Variants in SH3BP2 observed in about 807,000 individuals in gnomAD.
SH3BP2 encodes SH3 domain-binding protein 2.
In SH3BP2, 38 loss-of-function variants were observed where a neutral mutation model predicts 56.2. That is an observed-to-expected ratio of 0.68 (90% CI 0.52 to 0.89). The LOEUF (loss-of-function observed/expected upper bound fraction) is 0.89. Ranked by LOEUF, SH3BP2 falls within the 40% of genes least tolerant of loss-of-function variation. The pLI is 0.00. For missense variants in SH3BP2, 748 were observed against 762.6 expected (o/e 0.98, Z 0.23); for synonymous variants, 346 against 316.7 (o/e 1.09, Z -0.98).
In SH3BP2 at chr4:2,810,860, C is replaced by G. The variant is rs1723719898; in HGVS notation, c.-4-9754C>G. Among the ~76,000 whole-genome samples the G allele has an allele frequency of 6.6e-6, 1 of 152,208 alleles. No homozygotes were observed. The highest frequency in any genetic ancestry group is 6.5e-5 in the Admixed American group (1 of 15,288). On this transcript the variant is annotated intron_variant, in intron 1 of 12. Coordinates refer to ENST00000503393, the MANE Select transcript of SH3BP2 (RefSeq NM_001122681.2). The surrounding 1 kb of genome is among the most constrained non-coding windows in gnomAD (Gnocchi z 4.2). The stretch of plus-strand genomic sequence containing the variant: ...TTCCTCACCTGCTGTTTGATCTCAA[C>G]CCTCCTGCAAGGAGGAAAGAGAATG...
At chr4:2,823,153 C>T in intron 3 of SH3BP2, 116 bp downstream of exon 3, 2 of 774,946 alleles carry the variant, frequency 2.6e-6, no homozygotes, top group East Asian at 2.7e-5. Flanking sequence ...TTTCCCGAAG[C>T]AGCCTTCGTG....
At chr4:2,820,179 C>T (rs895763647) in intron 1 of SH3BP2, among the ~76,000 whole-genome samples, 3 of 152,192 alleles carry the variant, frequency 2.0e-5, no homozygotes, top group African/African-American at 7.2e-5. Context: ...GCTCACTTGC[C>T]TTCTTCCTGT....
At chr4:2,811,160 T>A (rs150628736) in intron 1 of SH3BP2, among the ~76,000 whole-genome samples, 361 of 152,288 alleles carry the variant, frequency 2.4e-3, no homozygotes, top group Middle Eastern at 0.01. Context: ...CAGACACAGC[T>A]GGGGAGACGG....
Position 2,799,981 on chromosome 4 carries a change from C to T in SH3BP2, c.-5+6843C>T, listed in dbSNP as rs193087740. On this transcript the variant is annotated intron_variant, in intron 1 of 12. Transcript: ENST00000503393. ...TTACTCTGGGGTCTGGAGACCACTG[C>T]CGAACATACGCCCTCCAAGCAGTGG... Among the ~76,000 whole-genome samples, 1,049 of 152,076 alleles carry T rather than the reference C, an allele frequency of 6.9e-3. 16 individuals are homozygous for T. Among genetic ancestry groups the T allele is most frequent in the Non-Finnish European group, 0.011 (733 of 67,948 alleles).
rs1237495576 is a variant in SH3BP2, at chr4:2,830,062, C to T, written c.1156C>T (p.Pro386Ser). ...LFVPPVAPRP[P>S]ALKLPVPEAM... ...TGTGCCCCCCGTGGCTCCCCGGCCT[C>T]CTGCGCTGAAGCTGCCAGTGCCTGA... Residue 386 changes from proline to serine, a missense_variant, in exon 8 of 13, where the codon CCT becomes TCT. Around this residue, in one of 3 missense-constraint regions of SH3BP2, gnomAD observed 635 missense variants for 615.0 expected, o/e 1.03. Transcript: ENST00000503393. 6.2e-7 allele frequency: 1 copy of T among 1,611,714 alleles called. No homozygotes were observed.
rs1314437432 is a variant in SH3BP2, at chr4:2,818,236, G to C, written c.-4-2378G>C. 6.1e-6 allele frequency: 6 copies of C among 988,086 alleles called. No individual in the cohort carries two copies. The Admixed American group carries it at 1.9e-4, about 31-fold the overall frequency. 61.2% of individuals were successfully genotyped at this position (988,086 alleles called of 1,614,324 possible). A position where few individuals can be genotyped will look rare whatever the true frequency, so the allele number is the denominator to read the frequency against. ...AGGGCCGGCGGGCATGGCGGGCTCCGGGCCGCGGCCGCGGAGCTGGGGCCG... is the reference window on the plus strand; with the variant it reads ...AGGGCCGGCGGGCATGGCGGGCTCCCGGCCGCGGCCGCGGAGCTGGGGCCG... On this transcript the variant is annotated intron_variant, in intron 1 of 12. Coordinates refer to ENST00000503393, the MANE Select transcript of SH3BP2 (RefSeq NM_001122681.2).
chr4:2,828,117 G>A (rs1051701592), intron 7 of SH3BP2, among the ~76,000 whole-genome samples: 1 of 151,346 alleles, frequency 6.6e-6, no homozygotes, highest in Non-Finnish European at 1.5e-5. Context: ...CAAAGAGACA[G>A]GCTGATACAG....
In SH3BP2 at chr4:2,831,398, G is replaced by C. The variant is rs1724975945; in HGVS notation, c.1242-173G>C. Among the ~76,000 whole-genome samples, 1 of 152,218 alleles carries C rather than the reference G, an allele frequency of 6.6e-6. No individual in the cohort carries two copies. On this transcript the variant is annotated intron_variant, in intron 8 of 12. Transcript: ENST00000503393. The surrounding 1 kb of genome is among the most constrained non-coding windows in gnomAD (Gnocchi z 4.1). ...GGGCGATTCCTGCTGTCCCAGGGCA[G>C]TCGGCACGAGCCCTACCCGGATCTC...
chr4:2,801,780 A>G (rs554962535), intron 1 of SH3BP2, among the ~76,000 whole-genome samples: 29 of 152,270 alleles, frequency 1.9e-4, no homozygotes, highest in Non-Finnish European at 3.1e-4. Context: ...AAAAACGAAC[A>G]ACATCCGGGA....
chr4:2,829,741 G>A lies in SH3BP2; in HGVS notation c.835G>A (p.Asp279Asn), dbSNP rs764985576. The change falls in exon 8 of 13, where the codon GAT becomes AAT. Residue 279 changes from aspartate (D) to asparagine (N), a missense_variant. By Grantham distance (23) the Asp-to-Asn change is conservative. This residue lies in a region of SH3BP2 where 635 missense variants were observed against 615.0 expected (regional missense o/e 1.03). Coordinates refer to ENST00000503393, the MANE Select transcript of SH3BP2 (RefSeq NM_001122681.2). The surrounding 1 kb of genome is among the most constrained non-coding windows in gnomAD (Gnocchi z 4.9). ...ACCTGCTACCCCCCGAAGGATGAGC[G>A]ATCCCCCTCTGAGCACCATGCCCAC... ...RVPATPRRMS[D>N]PPLSTMPTAP... 6 of 1,612,706 alleles carry A rather than the reference G, an allele frequency of 3.7e-6. No individual in the cohort carries two copies. The highest frequency in any genetic ancestry group is 1.3e-5 in the African/African-American group (1 of 74,848).
chr4:2,809,712 GCCTTACT>G, intron 1 of SH3BP2: 1 of 849,524 alleles, frequency 1.2e-6, no homozygotes, highest in Non-Finnish European at 1.4e-6. Flanking sequence ...CTGGGTGTTT[GCCTTACT>G]CCTGAGCGGG....
At position 2,838,253 on chromosome 4, in the gene SH3BP2, C is replaced by T. The variant is rs1478738501; in HGVS notation, c.*4419C>T. On this transcript the variant is annotated 3_prime_UTR_variant, in exon 13 of 13. Transcript: ENST00000503393. ...TGCCAGCACCCAAGTGCCCTCCCCTCACAGTGTCACTTCCGGCCTCTCTGC... is the reference window on the plus strand; with the variant it reads ...TGCCAGCACCCAAGTGCCCTCCCCTTACAGTGTCACTTCCGGCCTCTCTGC... The T allele has an allele frequency of 6.6e-6, 1 of 152,302 alleles. No individual in the cohort carries two copies. The highest frequency in any genetic ancestry group is 2.4e-5 in the African/African-American group (1 of 41,474). The allele number at this position is 152,302 out of a possible 1,614,324, so 9.4% of individuals were successfully genotyped here. A position where few individuals can be genotyped will look rare whatever the true frequency, so the allele number is the denominator to read the frequency against.
chr4:2,831,723 G>C lies in SH3BP2; in HGVS notation c.1350+44G>C. ...CCTGGGTCCCAGTGGCCAGTAGGTGGACAGGTGGTGGGAAAGCCATAGGCC... is the reference window on the plus strand; with the variant it reads ...CCTGGGTCCCAGTGGCCAGTAGGTGCACAGGTGGTGGGAAAGCCATAGGCC... On this transcript the variant is annotated intron_variant, in intron 9 of 12. Transcript: ENST00000503393. The surrounding 1 kb of genome is among the most constrained non-coding windows in gnomAD (Gnocchi z 4.1). 4 of 1,506,922 alleles carry C rather than the reference G, an allele frequency of 2.7e-6. No homozygotes were observed. Among genetic ancestry groups the C allele is most frequent in the Non-Finnish European group, 3.6e-6 (4 of 1,100,510 alleles). 93.3% of individuals were successfully genotyped at this position (1,506,922 alleles called of 1,614,324 possible). A position where few individuals can be genotyped will look rare whatever the true frequency, so the allele number is the denominator to read the frequency against.
chr4:2,815,228 T>A (rs1279722392), intron 1 of SH3BP2, among the ~76,000 whole-genome samples: 5 of 152,118 alleles, frequency 3.3e-5, no homozygotes, highest in African/African-American at 1.2e-4. Context: ...TATCACCCCC[T>A]GGCACAGGGC....
intron 1 of SH3BP2, among the ~76,000 whole-genome samples, chr4:2,811,627 A>G (rs555146668): frequency 1.3e-5 from 2 of 152,268 alleles, no homozygotes; most frequent in East Asian, 3.9e-4. Flanking sequence ...TGAGTACGGG[A>G]GCGTGCTTTG....
chr4:2,801,762 C>G (rs141554840), intron 1 of SH3BP2, among the ~76,000 whole-genome samples: 119 of 152,294 alleles, frequency 7.8e-4, no homozygotes, highest in African/African-American at 2.6e-3. Flanking sequence ...ATAATAAACC[C>G]AGAGAGTAAA....
chr4:2,833,692 C>A lies in SH3BP2; in HGVS notation c.1549-5C>A, dbSNP rs778144452. ...GCTGACGCTCCCCCTTCTCTTCCCCCACAGGACTCTAAGTTCTACCTGGAG... is the reference window on the plus strand; with the variant it reads ...GCTGACGCTCCCCCTTCTCTTCCCCAACAGGACTCTAAGTTCTACCTGGAG... On this transcript the variant is annotated splice_polypyrimidine_tract_variant and splice_region_variant and intron_variant, in intron 12 of 12. Coordinates refer to ENST00000503393, the MANE Select transcript of SH3BP2 (RefSeq NM_001122681.2). The A allele has an allele frequency of 4.3e-6, 7 of 1,609,594 alleles. No individual in the cohort carries two copies. The highest frequency in any genetic ancestry group is 1.7e-4 in the Middle Eastern group (1 of 6,056).
At chr4:2,833,320 C>CG (rs1437426246) in intron 12 of SH3BP2, 4 of 582,790 alleles carry the variant, frequency 6.9e-6, no homozygotes, top group Non-Finnish European at 1.2e-5. Context: ...TTTCTTTTTG[C>CG]GGGGACAGGG....
chr4:2,812,022 G>A lies in SH3BP2; in HGVS notation c.-4-8592G>A. On this transcript the variant is annotated intron_variant, in intron 1 of 12. Coordinates refer to ENST00000503393, the MANE Select transcript of SH3BP2 (RefSeq NM_001122681.2). ...CGAGTATTCAGAGGTGGCCCTGCGG[G>A]GAGGCAGCAGGGAGCTTCCTCCCAG... 3.8e-5 allele frequency: 16 copies of A among 424,182 alleles called. No individual in the cohort carries two copies. The South Asian group carries it at 3.8e-4, about 10-fold the overall frequency. 26.3% of individuals were successfully genotyped at this position (424,182 alleles called of 1,614,324 possible). A position where few individuals can be genotyped will look rare whatever the true frequency, so the allele number is the denominator to read the frequency against.
Sources: gnomAD v4.1 joint callset for allele counts (sites outside exome capture counted in the v4.1 genomes callset) on GRCh38, gnomAD v4.1.1 for gene constraint, gnomAD v4.1.1 regional missense constraint, Gnocchi (gnomAD v3.1) non-coding constraint, MANE v1.5 for transcripts, NCBI Gene and HGNC (gene_info 2026-07-23, HGNC 2026-07-21) for gene names.